ZBTB25: variants seen among roughly 807,000 people sequenced by gnomAD.
The protein encoded by ZBTB25 is zinc finger and BTB domain containing 25.
Under a neutral mutation model 34.2 loss-of-function variants are expected in ZBTB25, and 20 were observed. The observed-to-expected ratio is 0.58, with a 90% confidence interval of 0.41 to 0.85. The LOEUF (loss-of-function observed/expected upper bound fraction) is 0.85. Among genes scored for constraint, ZBTB25 ranks in the 40% least tolerant of loss-of-function variants. The pLI, the probability that ZBTB25 is intolerant of heterozygous loss-of-function variation, is 0.00. For synonymous variants in ZBTB25, 175 were observed against 186.4 expected (o/e 0.94, Z 0.50); for missense variants, 437 against 521.8 (o/e 0.84, Z 1.58).
At chr14:64,498,618 T>G (rs1024565823) in intron 1 of ZBTB25, among the ~76,000 whole-genome samples, 2 of 150,442 alleles carry the variant, frequency 1.3e-5, no homozygotes, top group African/African-American at 2.5e-5. Context: ...GCCAGATTGT[T>G]TATTTGTTTA....
At chr14:64,468,628 C>A in intron 2 of ZBTB25, 1 of 1,613,896 alleles carries the variant, frequency 6.2e-7, no homozygotes, top group Non-Finnish European at 8.5e-7. Flanking sequence ...CACGGGGGGC[C>A]TGGGCCTCAC....
chr14:64,451,120 G>T (rs1477054151), intron 2 of ZBTB25, among the ~76,000 whole-genome samples: 2 of 152,060 alleles, frequency 1.3e-5, no homozygotes, highest in Non-Finnish European at 2.9e-5. Context: ...AATGAGCTGA[G>T]ATCACTGCAC....
intron 2 of ZBTB25, chr14:64,463,052 A>C (rs1044185621): frequency 2.6e-5 from 4 of 152,192 alleles, no homozygotes; most frequent in Non-Finnish European, 5.9e-5. Flanking sequence ...TAGGTAGGAT[A>C]ATTTCTCATC....
Position 64,485,323 on chromosome 14 carries a change from T to C in ZBTB25, c.*1600A>G. ...AGGCTCACAAACCAAATTTTTTAGA[T>C]GTATTCAAATGCCCGTGAAGCTTAG... On this transcript the variant is annotated 3_prime_UTR_variant, in exon 3 of 3. Transcript: ENST00000608382. The C allele has an allele frequency of 2.0e-6, 2 of 985,466 alleles. No individual in the cohort carries two copies. The highest frequency in any genetic ancestry group is 2.4e-6 in the Non-Finnish European group (2 of 829,930). The allele number at this position is 985,466 out of a possible 1,614,324, so 61.0% of individuals were successfully genotyped here.
downstream of ZBTB25, among the ~76,000 whole-genome samples, chr14:64,476,635 T>A (rs1171770354): frequency 5.9e-5 from 9 of 152,214 alleles, no homozygotes; most frequent in East Asian, 1.7e-3. Flanking sequence ...ACTAGAGTAT[T>A]TCTATCCTCC....
chr14:64,449,849 C>T (rs1470023250), intron 2 of ZBTB25, among the ~76,000 whole-genome samples: 1 of 152,320 alleles, frequency 6.6e-6, no homozygotes, highest in East Asian at 1.9e-4. Context: ...AGTGCAGAGG[C>T]ATGATCTCAG....
chr14:64,451,827 A>C (rs1034809654), intron 2 of ZBTB25, among the ~76,000 whole-genome samples: 1 of 152,230 alleles, frequency 6.6e-6, no homozygotes, highest in Admixed American at 6.5e-5. Context: ...GTGCCTTGGC[A>C]TTTATAGAGC....
chr14:64,480,654 T>C lies in ZBTB25; in HGVS notation c.*6269A>G, dbSNP rs771662178. On this transcript the variant is annotated 3_prime_UTR_variant, in exon 3 of 3. Transcript: ENST00000608382. The stretch of plus-strand genomic sequence containing the variant: ...CACATTAATTTGTCTTGATAAAATA[T>C]ATGAAATTCATTGTTTCTTGCTCTG... The C allele has an allele frequency of 6.4e-6, 1 of 155,918 alleles. No individual in the cohort carries two copies. The highest frequency in any genetic ancestry group is 1.4e-5 in the Non-Finnish European group (1 of 70,290). The allele number at this position is 155,918 out of a possible 1,614,324, so 9.7% of individuals were successfully genotyped here. A position where few individuals can be genotyped will look rare whatever the true frequency, so the allele number is the denominator to read the frequency against.
chr14:64,469,650 A>T lies in ZBTB25; in HGVS notation c.174-20012T>A, dbSNP rs758162530. The T allele has an allele frequency of 2.1e-5, 33 of 1,592,300 alleles. 1 individual carries two copies. In the South Asian group the frequency reaches 2.1e-4, roughly 10 times the overall value. On this transcript the variant is annotated intron_variant, in intron 2 of 2. Coordinates refer to the ZBTB25 transcript ENST00000555220. ...CTGGTTAATGAAATGGCCTCTGATG[A>T]TAATAAAATAAACAATCTTCTACAG...
chr14:64,495,546 G>A (rs1596644700), intron 1 of ZBTB25, among the ~76,000 whole-genome samples: 1 of 152,178 alleles, frequency 6.6e-6, no homozygotes, highest in East Asian at 1.9e-4. Flanking sequence ...CACCAGCTGG[G>A]ACCTTATGCC....
chr14:64,455,037 G>C lies in ZBTB25; in HGVS notation c.174-5399C>G, dbSNP rs1160325186. 11 of 734,892 alleles carry C rather than the reference G, an allele frequency of 1.5e-5. No individual in the cohort carries two copies. The East Asian group carries it at 2.9e-4, about 19-fold the overall frequency. The allele number at this position is 734,892 out of a possible 1,614,324, so 45.5% of individuals were successfully genotyped here. Reference sequence around the variant, plus strand: ...GCTGTGGATCATAAGCTATAAAGCAGGAGCTATATAGCTCTTGCTGTGGAC... The same window carrying C: ...GCTGTGGATCATAAGCTATAAAGCACGAGCTATATAGCTCTTGCTGTGGAC... On this transcript the variant is annotated intron_variant, in intron 2 of 2. Coordinates refer to the ZBTB25 transcript ENST00000555220.
chr14:64,490,315 T>C, intron 2 of ZBTB25, 46 bp downstream of exon 2: 1 of 1,414,128 alleles, frequency 7.1e-7, no homozygotes, highest in Non-Finnish European at 9.5e-7. Context: ...AAAGCTTATA[T>C]AAATCACAAT....
intron 2 of ZBTB25, chr14:64,472,585 C>A (rs1272936520): frequency 4.8e-5 from 8 of 166,872 alleles, no homozygotes; most frequent in African/African-American, 1.9e-4. Flanking sequence ...TAAGAGGTTT[C>A]TGTTTTTCTA....
chr14:64,476,748 C>CAA (rs1217297400), downstream of ZBTB25, among the ~76,000 whole-genome samples: 1 of 150,940 alleles, frequency 6.6e-6, no homozygotes, highest in African/African-American at 2.4e-5. Context: ...AAAAAAAAGT[C>CAA]AAACTCAGTT....
At chr14:64,504,884 T>C (rs2079616365), upstream of ZBTB25, 1 of 396,518 alleles carries the variant, frequency 2.5e-6, no homozygotes, top group Non-Finnish European at 4.5e-6. Flanking sequence ...CGCCCGCCTT[T>C]CCCGCGGCTG....
chr14:64,455,497 T>C (rs1443941277), intron 2 of ZBTB25, among the ~76,000 whole-genome samples: 1 of 152,184 alleles, frequency 6.6e-6, no homozygotes, highest in Non-Finnish European at 1.5e-5. Context: ...GGAGGGATGC[T>C]TAAGGACATA....
At position 64,449,745 on chromosome 14, in the gene ZBTB25, G is replaced by GTAGGTGACTTACACAACCAC. The variant is rs1487149390; in HGVS notation, c.174-127_174-108dup. The GTAGGTGACTTACACAACCAC allele has an allele frequency of 3.5e-6, 4 of 1,152,260 alleles. No homozygotes were observed. The African/African-American group carries it at 4.6e-5, about 13-fold the overall frequency. 71.4% of individuals were successfully genotyped at this position (1,152,260 alleles called of 1,614,324 possible). ...TTCAGCCTTGCGGTTTGATTCCCAC[G>GTAGGTGACTTACACAACCAC]TAGGTGACTTACACAACCACAGCCT... is the stretch of plus-strand genomic sequence containing the variant. On this transcript the variant is annotated intron_variant, in intron 2 of 2. Transcript: ENST00000555220.
At chr14:64,492,018 T>A (rs2079097443) in intron 1 of ZBTB25, among the ~76,000 whole-genome samples, 2 of 149,094 alleles carry the variant, frequency 1.3e-5, no homozygotes, top group South Asian at 4.2e-4. Flanking sequence ...CTTGGGTGGA[T>A]GTGACAGGAG....
intron 2 of ZBTB25, among the ~76,000 whole-genome samples, chr14:64,450,192 G>A (rs151145965): frequency 1.3e-5 from 2 of 152,340 alleles, no homozygotes; most frequent in East Asian, 3.9e-4. Flanking sequence ...TCCTAACTTC[G>A]AAAAGGGTCA....
Sources: gnomAD v4.1 joint callset for allele counts (sites outside exome capture counted in the v4.1 genomes callset) on GRCh38, gnomAD v4.1.1 for gene constraint, MANE v1.5 for transcripts, NCBI Gene and HGNC (gene_info 2026-07-23, HGNC 2026-07-21) for gene names.